Variants in KCNMA1 observed in about 807,000 individuals in gnomAD.
KCNMA1 encodes the protein potassium calcium-activated channel subfamily M alpha 1, also known as Calcium-activated potassium channel subunit alpha-1.
KCNMA1 carries 29 observed loss-of-function variants against 140.0 expected under a neutral mutation model. The ratio of observed to expected loss-of-function variants is 0.21; its 90% confidence interval spans 0.15 to 0.28. The LOEUF is 0.28. KCNMA1 is among the 10% of genes least tolerant of loss of function. The probability of loss-of-function intolerance (pLI) is 1.00; values close to 1 mark genes in which losing one functional copy is unlikely to be tolerated. For synonymous variants in KCNMA1, 612 were observed against 611.9 expected, an observed-to-expected ratio of 1.00 and a Z score of 0.00; for missense variants, 880 against 1,602.2, an observed-to-expected ratio of 0.55 and a Z score of 7.70.
chr10:77,427,667 A>G (rs1603616460), intron 1 of KCNMA1, among the ~76,000 whole-genome samples: 1 of 152,350 alleles, frequency 6.6e-6, no homozygotes, highest in African/African-American at 2.4e-5. Flanking sequence ...CCAATTAAGC[A>G]AGGGCCCAGG....
At chr10:77,144,887 T>G (rs1287786522) in intron 5 of KCNMA1, among the ~76,000 whole-genome samples, 2 of 152,184 alleles carry the variant, frequency 1.3e-5, no homozygotes, top group Non-Finnish European at 2.9e-5. Context: ...CTAGCCTCAT[T>G]TCCTCATCTC....
intron 5 of KCNMA1, among the ~76,000 whole-genome samples, chr10:77,149,126 A>T (rs2098371366): frequency 6.6e-6 from 1 of 152,232 alleles, no homozygotes; most frequent in Non-Finnish European, 1.5e-5. Flanking sequence ...ACAGCTGGGA[A>T]CTTTGCACTT....
chr10:77,204,618 C>G (rs2043484504), intron 3 of KCNMA1, among the ~76,000 whole-genome samples: 1 of 152,118 alleles, frequency 6.6e-6, no homozygotes, highest in Admixed American at 6.5e-5. Context: ...ATAAACCAAG[C>G]TTGAAGCACA....
At chr10:77,466,287 G>T (rs2098011398) in intron 1 of KCNMA1, among the ~76,000 whole-genome samples, 1 of 152,168 alleles carries the variant, frequency 6.6e-6, no homozygotes. Flanking sequence ...GTCCTCTTGA[G>T]CCAAACACAC....
intron 2 of KCNMA1, among the ~76,000 whole-genome samples, chr10:77,352,178 G>C (rs985214944): frequency 6.6e-6 from 1 of 152,182 alleles, no homozygotes; most frequent in Non-Finnish European, 1.5e-5. Context: ...ACACATTGAC[G>C]GTTCTCTATA....
intron 1 of KCNMA1, among the ~76,000 whole-genome samples, chr10:77,547,939 G>A (rs2061828573): frequency 6.6e-6 from 1 of 152,128 alleles, no homozygotes; most frequent in Non-Finnish European, 1.5e-5. Context: ...CAAAGGCATA[G>A]TTGAGTGGCT....
intron 12 of KCNMA1, among the ~76,000 whole-genome samples, chr10:77,082,060 G>T (rs1156504463): frequency 8.2e-6 from 1 of 121,468 alleles, no homozygotes; most frequent in East Asian, 2.3e-4. Flanking sequence ...AGCCTCGCTG[G>T]CTCTGTTGCC....
At chr10:77,008,871 C>T (rs7074008) in intron 18 of KCNMA1, among the ~76,000 whole-genome samples, 93,900 of 152,186 alleles carry the variant, frequency 0.62, 29,430 homozygotes, top group Middle Eastern at 0.77. Flanking sequence ...CAGTGTGTTA[C>T]TAATAATCCT....
intron 1 of KCNMA1, among the ~76,000 whole-genome samples, chr10:77,424,544 C>G (rs1223281276): frequency 6.6e-6 from 1 of 151,756 alleles, no homozygotes; most frequent in African/African-American, 2.4e-5. Context: ...AACAATTCAC[C>G]TGGGCATCTC....
rs908475432 is a variant in KCNMA1 at position 77,273,894 on chromosome 10, G to A, written c.541-22638C>T. ...CTTATTCAGATGATATTCTAGTGGG[G>A]AAGGCACCACTTCTAGAAATTAGTT... On this transcript the variant is annotated intron_variant, in intron 2 of 27. Transcript: ENST00000286628. 3.3e-5 allele frequency among the ~76,000 whole-genome samples: 5 copies of A among 152,142 alleles called. No homozygotes were observed. In the South Asian group the frequency reaches 6.2e-4, roughly 19 times the overall value.
chr10:77,356,263 TG>T (rs1166394774), intron 2 of KCNMA1, among the ~76,000 whole-genome samples: 1 of 152,186 alleles, frequency 6.6e-6, no homozygotes, highest in Non-Finnish European at 1.5e-5. Context: ...TAGGGCTAAT[TG>T]TATATGTCAG....
intron 1 of KCNMA1, among the ~76,000 whole-genome samples, chr10:77,562,957 C>A (rs2066874144): frequency 6.6e-6 from 1 of 152,126 alleles, no homozygotes. Context: ...CTTTATCATC[C>A]CTTGCCCAGA....
At chr10:77,062,936 C>A (rs998463179) in intron 14 of KCNMA1, among the ~76,000 whole-genome samples, 1 of 152,146 alleles carries the variant, frequency 6.6e-6, no homozygotes, top group African/African-American at 2.4e-5. Flanking sequence ...CATTCCCCAA[C>A]CAGCCATGCA....
intron 16 of KCNMA1, chr10:77,025,509 G>A (rs953568122): frequency 4.0e-5 from 57 of 1,410,876 alleles, no homozygotes; most frequent in Admixed American, 5.5e-5. Flanking sequence ...ATAATAAATC[G>A]ACTGACACCA....
At chr10:76,970,357 A>C in intron 19 of KCNMA1, 1 of 369,188 alleles carries the variant, frequency 2.7e-6, no homozygotes, top group Non-Finnish European at 5.0e-6. Flanking sequence ...AGAAATCATG[A>C]TTTATCTGTA....
At position 77,251,230 on chromosome 10, in the gene KCNMA1, G is replaced by A. The variant is rs146483703; in HGVS notation, c.567C>T (p.Ile189=). 6.5e-5 allele frequency: 105 copies of A among 1,612,250 alleles called. No homozygotes were observed. Among genetic ancestry groups the A allele is most frequent in the Non-Finnish European group, 7.4e-5 (87 of 1,178,430 alleles). Residue 189 remains isoleucine (I), a synonymous_variant, in exon 3 of 28, where the codon ATC becomes ATT. Transcript: ENST00000286628. ...CTATGAAGTATATTACAAGTGCACC[G>A]ATGCTGAGAGCAAAGACTAAGACAA... ...VLVVLVFALS[I]GALVIYFIDS... is the part of the protein sequence containing the mutation.
chr10:76,875,778 T>G (rs1238016472), downstream of KCNMA1: 1 of 152,632 alleles, frequency 6.6e-6, no homozygotes, highest in African/African-American at 2.4e-5. Flanking sequence ...AGGAAAGTTG[T>G]CAAAATCCTA....
chr10:76,956,692 T>C (rs887512547), intron 20 of KCNMA1, among the ~76,000 whole-genome samples: 6 of 152,134 alleles, frequency 3.9e-5, no homozygotes, highest in East Asian at 1.9e-4. Flanking sequence ...GAAAAAAATA[T>C]ATATACACCA....
intron 14 of KCNMA1, among the ~76,000 whole-genome samples, chr10:77,050,373 T>A (rs1248514994): frequency 6.6e-6 from 1 of 151,964 alleles, no homozygotes; most frequent in Non-Finnish European, 1.5e-5. Flanking sequence ...ATGGGGAGCT[T>A]GCTTTTGATA....
Sources: gnomAD v4.1 joint callset for allele counts (sites outside exome capture counted in the v4.1 genomes callset) on GRCh38, gnomAD v4.1.1 for gene constraint, MANE v1.5 for transcripts, NCBI Gene and HGNC (gene_info 2026-07-23, HGNC 2026-07-21) for gene names.